MYLK: variants seen among roughly 807,000 people sequenced by gnomAD.
MYLK encodes the protein myosin light chain kinase, smooth muscle.
A neutral mutation model predicts 203.4 loss-of-function variants in MYLK; 106 were observed. The ratio of observed to expected loss-of-function variants is 0.52; its 90% CI spans 0.45 to 0.61. MYLK has a LOEUF of 0.61. Among genes scored for constraint, MYLK ranks in the 20% least tolerant of loss-of-function variants. The pLI is 0.00. For missense variants in MYLK, 2,072 were observed against 2,442.3 expected (o/e 0.85, Z 3.20); for synonymous variants, 867 against 959.5 (o/e 0.90, Z 1.78).
chr3:123,739,920 A>T (rs772890489), intron 6 of MYLK, 33 bp downstream of exon 6: 2 of 1,612,702 alleles, frequency 1.2e-6, no homozygotes, highest in Non-Finnish European at 1.7e-6. Flanking sequence ...AAGCAATCCA[A>T]CCCTTACTCT....
Position 123,629,713 on chromosome 3 carries a change from C to T in MYLK, c.4962-87G>A, listed in dbSNP as rs1157237355. 2.3e-5 allele frequency: 34 copies of T among 1,452,550 alleles called. 1 individual carries two copies. The highest frequency in any genetic ancestry group is 3.5e-5 in the South Asian group (3 of 86,418). 90.0% of individuals were successfully genotyped at this position (1,452,550 alleles called of 1,614,324 possible). A position where few individuals can be genotyped will look rare whatever the true frequency, so the allele number is the denominator to read the frequency against. On this transcript the variant is annotated intron_variant, in intron 29 of 33. Coordinates refer to ENST00000360304, the MANE Select transcript of MYLK (RefSeq NM_053025.4). This position sits in a 1 kb window ranked among gnomAD's most constrained non-coding sequence, Gnocchi z 4.4. ...GGTAACTGAGGTCAAAGGCGAGGGT[C>T]GGCCAGCCTCCCCACCCCCAAACTC...
Position 123,732,946 on chromosome 3 carries a change from G to A in MYLK, c.1466C>T (p.Ala489Val), listed in dbSNP as rs1357423446. The change falls in exon 11 of 34, where the codon GCT (alanine) becomes GTT (valine). Residue 489 changes from alanine (A) to valine (V), a missense_variant. This residue lies in a region of MYLK where 683 missense variants were observed against 643.8 expected (regional missense o/e 1.06). Coordinates refer to ENST00000360304, the MANE Select transcript of MYLK (RefSeq NM_053025.4). ...GGACAGCTGGCCTTGGGCGTTGGAA[G>A]CAGTGCAGCTGTATGTCCCACTGTC... ...TRDSGTYSCT[A>V]SNAQGQLSCS... The A allele has an allele frequency of 2.5e-6, 4 of 1,614,212 alleles. No individual in the cohort carries two copies. The South Asian group carries it at 3.3e-5, about 13-fold the overall frequency.
intron 3 of MYLK, among the ~76,000 whole-genome samples, chr3:123,802,647 C>T (rs182583362): frequency 1.1e-4 from 17 of 152,328 alleles, no homozygotes; most frequent in African/African-American, 2.6e-4. Flanking sequence ...CCTAACCTCA[C>T]GCACAGTGTG....
chr3:123,677,312 C>T (rs1037402148), intron 20 of MYLK, among the ~76,000 whole-genome samples: 1 of 152,176 alleles, frequency 6.6e-6, no homozygotes, highest in African/African-American at 2.4e-5. Context: ...GCAAGGAAGC[C>T]CAAGTCCAGA....
At chr3:123,708,033 A>G in intron 15 of MYLK, 30 bp from the exon 16 acceptor site, 1 of 1,613,476 alleles carries the variant, frequency 6.2e-7, no homozygotes. Context: ...AGAGCTAAAC[A>G]GGGATGTCCC....
At chr3:123,789,109 C>A (rs2064666064) in intron 4 of MYLK, among the ~76,000 whole-genome samples, 1 of 152,100 alleles carries the variant, frequency 6.6e-6, no homozygotes, top group African/African-American at 2.4e-5. Flanking sequence ...GGGGTGTTTC[C>A]ACCAGCCCCT....
chr3:123,620,133 C>A (rs1291650464), intron 32 of MYLK, 74 bp downstream of exon 32: 25 of 1,366,484 alleles, frequency 1.8e-5, no homozygotes, highest in Non-Finnish European at 2.5e-5. Flanking sequence ...ACAAAACCAA[C>A]CAAAACCTCA....
intron 29 of MYLK, among the ~76,000 whole-genome samples, chr3:123,633,503 C>T (rs2058518695): frequency 6.6e-6 from 1 of 152,216 alleles, no homozygotes; most frequent in African/African-American, 2.4e-5. Flanking sequence ...CTTTATCTCC[C>T]TGGTCTTATC....
rs532742075 is a variant in MYLK, at chr3:123,646,185, G to A, written c.4619+1039C>T. ...GCAAAGTATATGACAGTGAGTATAAGAAGTTACTTTTTGTGTTAAAAGGCA... is the reference window on the plus strand; with the variant it reads ...GCAAAGTATATGACAGTGAGTATAAAAAGTTACTTTTTGTGTTAAAAGGCA... On this transcript the variant is annotated intron_variant, in intron 27 of 33. Coordinates refer to ENST00000360304, the MANE Select transcript of MYLK (RefSeq NM_053025.4). 7.9e-5 allele frequency among the ~76,000 whole-genome samples: 12 copies of A among 152,260 alleles called. No individual in the cohort carries two copies. The South Asian group carries it at 2.5e-3, about 32-fold the overall frequency.
chr3:123,735,080 G>A (rs1048659266), intron 9 of MYLK: 17 of 395,282 alleles, frequency 4.3e-5, no homozygotes, highest in African/African-American at 2.3e-4. Flanking sequence ...AACAGATTCC[G>A]CCCTGGAATG....
intron 4 of MYLK, among the ~76,000 whole-genome samples, chr3:123,777,253 T>C (rs2064112994): frequency 6.6e-6 from 1 of 152,204 alleles, no homozygotes; most frequent in African/African-American, 2.4e-5. Context: ...AAGTAGGAAT[T>C]ATTATTCCCA....
chr3:123,777,292 G>A (rs1428636781), intron 4 of MYLK, among the ~76,000 whole-genome samples: 1 of 152,258 alleles, frequency 6.6e-6, no homozygotes. Flanking sequence ...GAGAATGTAA[G>A]CAGAACAAAT....
chr3:123,637,971 C>A lies in MYLK; in HGVS notation c.4961+100G>T. ...CTCTGGGGGGGGCTCCCCATCATGA[C>A]AATGGCAGGGCAGCCTGGGGACCCT... On this transcript the variant is annotated intron_variant, in intron 29 of 33. Transcript: ENST00000360304. The A allele has an allele frequency of 1.9e-6, 3 of 1,559,380 alleles. No homozygotes were observed. The South Asian group carries it at 3.4e-5, about 18-fold the overall frequency.
At chr3:123,762,717 G>T (rs1422716460) in intron 4 of MYLK, among the ~76,000 whole-genome samples, 2 of 152,178 alleles carry the variant, frequency 1.3e-5, no homozygotes, top group Admixed American at 6.5e-5. Context: ...CTTGACGGAG[G>T]TAGTTTGCCC....
rs895821441 is a variant in MYLK at position 123,648,547 on chromosome 3, C to T, written c.4415+424G>A. Among the ~76,000 whole-genome samples, 2 of 152,116 alleles carry T rather than the reference C, an allele frequency of 1.3e-5. No individual in the cohort carries two copies. The highest frequency in any genetic ancestry group is 1.5e-5 in the Non-Finnish European group (1 of 68,014). On this transcript the variant is annotated intron_variant, in intron 26 of 33. Transcript: ENST00000360304. This position sits in a 1 kb window ranked among gnomAD's most constrained non-coding sequence, Gnocchi z 4.5. ...GTACGTTACGTAGGTAAACGTGTGC[C>T]ATGGTGGTTTGCTGCACCTAACACC... is the stretch of plus-strand genomic sequence containing the variant.
chr3:123,829,090 T>C (rs953824537), intron 3 of MYLK, among the ~76,000 whole-genome samples: 1 of 152,140 alleles, frequency 6.6e-6, no homozygotes, highest in Non-Finnish European at 1.5e-5. Context: ...ATTCTACTAC[T>C]GGAAATTTAT....
intron 2 of MYLK, among the ~76,000 whole-genome samples, chr3:123,843,493 A>G (rs907079674): frequency 2.6e-5 from 4 of 152,190 alleles, no homozygotes; most frequent in East Asian, 3.9e-4. Context: ...TCTAATAGGA[A>G]TAAAGGTAAG....
chr3:123,707,127 C>T lies in MYLK; in HGVS notation c.2390+627G>A, dbSNP rs575477980. On this transcript the variant is annotated intron_variant, in intron 16 of 33. Coordinates refer to ENST00000360304, the MANE Select transcript of MYLK (RefSeq NM_053025.4). Reference sequence around the variant, plus strand: ...GCTAAAAAAGACACTCAAGCAGCCCCACGGAGAGGTCCACAACGCAAGGAG... The same window carrying T: ...GCTAAAAAAGACACTCAAGCAGCCCTACGGAGAGGTCCACAACGCAAGGAG... Among the ~76,000 whole-genome samples, 10 of 152,310 alleles carry T rather than the reference C, an allele frequency of 6.6e-5. No individual in the cohort carries two copies. The East Asian group carries it at 1.9e-3, about 29-fold the overall frequency.
chr3:123,757,652 G>C (rs536939797), intron 4 of MYLK, among the ~76,000 whole-genome samples: 26 of 152,306 alleles, frequency 1.7e-4, no homozygotes, highest in Non-Finnish European at 2.5e-4. Context: ...AGAATCTTTA[G>C]GGCTGGGAAC....
Sources: gnomAD v4.1 joint callset for allele counts (sites outside exome capture counted in the v4.1 genomes callset) on GRCh38, gnomAD v4.1.1 for gene constraint, gnomAD v4.1.1 regional missense constraint, Gnocchi (gnomAD v3.1) non-coding constraint, MANE v1.5 for transcripts, NCBI Gene and HGNC (gene_info 2026-07-23, HGNC 2026-07-21) for gene names.